ATP8A2: variants seen among roughly 807,000 people sequenced by gnomAD.
The protein encoded by ATP8A2 is phospholipid-transporting ATPase IB.
Under a neutral mutation model 165.6 loss-of-function variants are expected in ATP8A2, and 100 were observed. The observed-to-expected ratio is 0.60, with a 90% CI of 0.51 to 0.71. ATP8A2 has a LOEUF of 0.71. Ranked by LOEUF, ATP8A2 falls within the 30% of genes least tolerant of loss-of-function variation. ATP8A2 has a pLI of 0.00. For synonymous variants in ATP8A2, 543 were observed against 548.8 expected (o/e 0.99, Z 0.15); for missense variants, 1,227 against 1,479.5 (o/e 0.83, Z 2.80).
At chr13:25,894,729 C>A (rs1435395709) in intron 33 of ATP8A2, among the ~76,000 whole-genome samples, 2 of 152,052 alleles carry the variant, frequency 1.3e-5, no homozygotes, top group East Asian at 3.8e-4. Flanking sequence ...GTTTGTAGTT[C>A]TCCTTGAAGA....
rs1382573117 is a variant in ATP8A2 at position 25,577,080 on chromosome 13, G to T, written c.1724G>T (p.Arg575Ile). 1.9e-6 allele frequency: 3 copies of T among 1,612,958 alleles called. No homozygotes were observed. Among genetic ancestry groups the T allele is most frequent in the Admixed American group, 1.7e-5 (1 of 59,966 alleles). The change falls in exon 20 of 37, where the codon AGA becomes ATA. Residue 575 changes from arginine to isoleucine, a missense_variant. Arg to Ile is a moderately conservative substitution (Grantham distance 97, BLOSUM62 -3). Transcript: ENST00000381655. Reference sequence around the variant, plus strand: ...TTTCACTCTCCCAGTGACAGAAAAAGAATGTCTGTAATTGTTCGAACTCCT... The same window carrying T: ...TTTCACTCTCCCAGTGACAGAAAAATAATGTCTGTAATTGTTCGAACTCCT... ...NVLEFSSDRK[R>I]MSVIVRTPSG...
intron 27 of ATP8A2, among the ~76,000 whole-genome samples, chr13:25,826,106 C>A (rs561791289): frequency 1.3e-5 from 2 of 151,958 alleles, no homozygotes; most frequent in South Asian, 2.1e-4. Flanking sequence ...ATTCTCACAC[C>A]CTCAAAATAA....
At chr13:25,411,657 A>T (rs574578086) in intron 1 of ATP8A2, among the ~76,000 whole-genome samples, 28 of 152,308 alleles carry the variant, frequency 1.8e-4, no homozygotes, top group African/African-American at 6.5e-4. Context: ...ATACTGCATA[A>T]TTCCATTTTA....
chr13:25,403,371 G>A (rs1474193298), intron 1 of ATP8A2, among the ~76,000 whole-genome samples: 1 of 152,206 alleles, frequency 6.6e-6, no homozygotes, highest in African/African-American at 2.4e-5. Flanking sequence ...AAAGGTCCCA[G>A]ATGGGTTTGC....
chr13:25,727,888 TA>T (rs1007040397), intron 25 of ATP8A2, among the ~76,000 whole-genome samples: 2 of 152,166 alleles, frequency 1.3e-5, no homozygotes, highest in Admixed American at 1.3e-4. Context: ...ATGAAAATCT[TA>T]AACTGGCCAT....
chr13:25,938,172 TAA>T (rs759243830), intron 33 of ATP8A2, among the ~76,000 whole-genome samples: 7 of 133,916 alleles, frequency 5.2e-5, no homozygotes, highest in Admixed American at 7.6e-5. Context: ...GTGACCTGGT[TAA>T]AAAAAAAAAA....
chr13:25,488,673 C>A (rs1282947043), intron 2 of ATP8A2, among the ~76,000 whole-genome samples: 2 of 152,080 alleles, frequency 1.3e-5, no homozygotes, highest in Non-Finnish European at 2.9e-5. Context: ...CCACTGCACT[C>A]CAGCCTGGGC....
At chr13:25,938,328 G>T (rs766421586) in intron 33 of ATP8A2, among the ~76,000 whole-genome samples, 1 of 152,108 alleles carries the variant, frequency 6.6e-6, no homozygotes, top group Non-Finnish European at 1.5e-5. Flanking sequence ...GGAAATATGC[G>T]GGAGAATACG....
intron 35 of ATP8A2, among the ~76,000 whole-genome samples, chr13:25,973,305 C>A (rs549413471): frequency 6.6e-6 from 1 of 152,230 alleles, no homozygotes; most frequent in South Asian, 2.1e-4. Context: ...CCCTGTGACC[C>A]GGGGTAATCT....
At chr13:26,007,852 A>G (rs896452833) in intron 35 of ATP8A2, among the ~76,000 whole-genome samples, 1 of 152,218 alleles carries the variant, frequency 6.6e-6, no homozygotes, top group Non-Finnish European at 1.5e-5. Flanking sequence ...CATGTGAGAT[A>G]TAACAGAACC....
chr13:25,521,306 A>T (rs1394698298), intron 2 of ATP8A2, among the ~76,000 whole-genome samples: 1 of 152,024 alleles, frequency 6.6e-6, no homozygotes, highest in Non-Finnish European at 1.5e-5. Context: ...GATAGCTTGT[A>T]AGTATTTTCT....
At chr13:25,377,053 A>T (rs1175354367) in intron 1 of ATP8A2, among the ~76,000 whole-genome samples, 1 of 152,214 alleles carries the variant, frequency 6.6e-6, no homozygotes, top group Non-Finnish European at 1.5e-5. Flanking sequence ...TTGATTTTAC[A>T]TTTACAACGG....
At chr13:25,755,990 C>G (rs1435747567) in intron 25 of ATP8A2, among the ~76,000 whole-genome samples, 3 of 152,180 alleles carry the variant, frequency 2.0e-5, no homozygotes, top group African/African-American at 7.2e-5. Flanking sequence ...ACACGTCAGC[C>G]AAGACTTTCT....
At chr13:25,708,180 G>A (rs1476156152) in intron 25 of ATP8A2, among the ~76,000 whole-genome samples, 1 of 152,090 alleles carries the variant, frequency 6.6e-6, no homozygotes, top group Non-Finnish European at 1.5e-5. Context: ...CATAATATTT[G>A]GCATCTTTCC....
At chr13:26,008,339 A>C (rs1956784095) in intron 35 of ATP8A2, among the ~76,000 whole-genome samples, 1 of 152,330 alleles carries the variant, frequency 6.6e-6, no homozygotes, top group East Asian at 1.9e-4. Context: ...AAAATAAAAC[A>C]TATAGACATG....
chr13:25,688,712 G>A (rs2042658461), intron 24 of ATP8A2, among the ~76,000 whole-genome samples: 1 of 152,194 alleles, frequency 6.6e-6, no homozygotes, highest in African/African-American at 2.4e-5. Context: ...CTGATTCAGG[G>A]AGTCCTAAGA....
chr13:25,809,321 C>T (rs958099282), intron 27 of ATP8A2, among the ~76,000 whole-genome samples: 1 of 151,960 alleles, frequency 6.6e-6, no homozygotes, highest in Non-Finnish European at 1.5e-5. Context: ...ACATGTACCC[C>T]CTGAATCTGA....
rs1957148639 is a variant in ATP8A2 at position 26,025,284 on chromosome 13, C to T, written c.*5299C>T. ...TCCCGCCCCACTCTCCCCCGTTGCC[C>T]GAGATGGCCAAGTTCAGGCCTGTGC... On this transcript the variant is annotated 3_prime_UTR_variant, in exon 37 of 37. Coordinates refer to ENST00000381655, the MANE Select transcript of ATP8A2 (RefSeq NM_016529.6). 2.0e-5 allele frequency: 3 copies of T among 152,212 alleles called. No homozygotes were observed. Among genetic ancestry groups the T allele is most frequent in the East Asian group, 1.9e-4 (1 of 5,184 alleles). The allele number at this position is 152,212 out of a possible 1,614,324, so 9.4% of individuals were successfully genotyped here.
At chr13:25,452,968 G>A (rs999009214) in intron 1 of ATP8A2, among the ~76,000 whole-genome samples, 5 of 151,228 alleles carry the variant, frequency 3.3e-5, no homozygotes, top group African/African-American at 7.3e-5. Context: ...GGTGGTGGGC[G>A]CCGGTAATTC....
Sources: allele counts gnomAD v4.1 joint callset (sites outside exome capture counted in the v4.1 genomes callset), GRCh38; gene constraint gnomAD v4.1.1; transcripts MANE v1.5; gene names NCBI Gene and HGNC (gene_info 2026-07-23, HGNC 2026-07-21).